PLEKHA7: variants seen among roughly 807,000 people sequenced by gnomAD.
PLEKHA7 encodes pleckstrin homology domain containing A7.
In PLEKHA7, 104 loss-of-function variants were observed where a neutral mutation model predicts 170.0. The ratio of observed to expected loss-of-function variants is 0.61; its 90% CI spans 0.52 to 0.72. PLEKHA7 has a LOEUF of 0.72. Ranked by LOEUF, PLEKHA7 falls within the 30% of genes least tolerant of loss-of-function variation. PLEKHA7 has a pLI of 0.00. For synonymous variants in PLEKHA7, 648 were observed against 660.8 expected, an observed-to-expected ratio of 0.98 and a Z score of 0.30; for missense variants, 1,615 against 1,671.7, an observed-to-expected ratio of 0.97 and a Z score of 0.59.
chr11:16,992,082 C>CA (rs978762526), intron 3 of PLEKHA7, among the ~76,000 whole-genome samples: 4 of 152,092 alleles, frequency 2.6e-5, no homozygotes, highest in Non-Finnish European at 4.4e-5. Flanking sequence ...GGGACCCCCC[C>CA]CAGCCTGGGC....
intron 3 of PLEKHA7, among the ~76,000 whole-genome samples, chr11:16,970,114 A>C (rs1862619663): frequency 6.6e-6 from 1 of 152,236 alleles, no homozygotes; most frequent in Non-Finnish European, 1.5e-5. Flanking sequence ...AGGACAGACC[A>C]GGACATTGGT....
chr11:16,937,869 A>G (rs1860418858), intron 3 of PLEKHA7, among the ~76,000 whole-genome samples: 1 of 152,076 alleles, frequency 6.6e-6, no homozygotes, highest in South Asian at 2.1e-4. Flanking sequence ...CGGCCTCCCA[A>G]AGTGTTGGGA....
intron 3 of PLEKHA7, among the ~76,000 whole-genome samples, chr11:16,920,201 T>A (rs1858987032): frequency 6.6e-6 from 1 of 152,232 alleles, no homozygotes; most frequent in Admixed American, 6.5e-5. Flanking sequence ...TGAGTACACA[T>A]CTGCCTCTCC....
At chr11:16,837,789 T>C (rs1471409663) in intron 9 of PLEKHA7, among the ~76,000 whole-genome samples, 1 of 152,112 alleles carries the variant, frequency 6.6e-6, no homozygotes, top group Non-Finnish European at 1.5e-5. Flanking sequence ...ACATTTTCAT[T>C]AAGAAGAATG....
intron 3 of PLEKHA7, among the ~76,000 whole-genome samples, chr11:16,967,678 C>G (rs931357798): frequency 1.3e-5 from 2 of 152,158 alleles, no homozygotes; most frequent in African/African-American, 4.8e-5. Flanking sequence ...CTCCAATCAG[C>G]TCCCCTTCTG....
At chr11:16,982,642 C>T (rs4237715) in intron 3 of PLEKHA7, among the ~76,000 whole-genome samples, 60,184 of 151,888 alleles carry the variant, frequency 0.4, 12,492 homozygotes, top group East Asian at 0.57. Flanking sequence ...CAAACCAGTT[C>T]TAAAACCCGT....
At chr11:16,911,630 A>G in intron 3 of PLEKHA7, among the ~76,000 whole-genome samples, 1 of 152,122 alleles carries the variant, frequency 6.6e-6, no homozygotes, top group East Asian at 1.9e-4. Flanking sequence ...GGAAACTGGC[A>G]GAAGTGAGGT....
chr11:16,896,489 A>G (rs577655383), intron 3 of PLEKHA7, among the ~76,000 whole-genome samples: 28 of 152,246 alleles, frequency 1.8e-4, no homozygotes, highest in Admixed American at 6.5e-4. Context: ...ATCAGTCAGC[A>G]AGACTAGTTA....
At position 16,852,354 on chromosome 11, in the gene PLEKHA7, T is replaced by A. The variant is rs1209072746; in HGVS notation, c.524A>T (p.Asp175Val). 6.2e-7 allele frequency: 1 copy of A among 1,613,660 alleles called. No homozygotes were observed. The highest frequency in any genetic ancestry group is 2.2e-5 in the East Asian group (1 of 44,846). ...VVVRGWLHKQ[D>V]SSGMRLWKRR... Reference sequence around the variant, plus strand: ...TTTCCACAGCCTCATCCCAGAACTGTCCTGCAAAGCAAAGAAAACTAGTCA... The same window carrying A: ...TTTCCACAGCCTCATCCCAGAACTGACCTGCAAAGCAAAGAAAACTAGTCA... Residue 175 changes from aspartate (D) to valine (V), a missense_variant and splice_region_variant, in exon 7 of 27, where the codon GAC (aspartate) becomes GTC (valine). Physicochemically the swap from Asp to Val is radical, Grantham distance 152. Coordinates refer to ENST00000531066, the MANE Select transcript of PLEKHA7 (RefSeq NM_001329630.2).
At chr11:16,891,703 T>C (rs1856626726) in intron 3 of PLEKHA7, among the ~76,000 whole-genome samples, 1 of 152,176 alleles carries the variant, frequency 6.6e-6, no homozygotes, top group South Asian at 2.1e-4. Context: ...AATTTTAAAC[T>C]GATCAGACTC....
At chr11:16,860,474 T>C (rs1159484128) in intron 4 of PLEKHA7, among the ~76,000 whole-genome samples, 1 of 152,050 alleles carries the variant, frequency 6.6e-6, no homozygotes, top group African/African-American at 2.4e-5. Flanking sequence ...ACCAAGACAA[T>C]GATCACCACC....
intron 10 of PLEKHA7, among the ~76,000 whole-genome samples, chr11:16,824,316 C>G (rs1282137447): frequency 6.6e-6 from 1 of 152,110 alleles, no homozygotes; most frequent in East Asian, 1.9e-4. Flanking sequence ...GGCTTAAGGC[C>G]AGGAGTTCGA....
intron 26 of PLEKHA7, among the ~76,000 whole-genome samples, chr11:16,782,314 G>A (rs944428161): frequency 1.3e-5 from 2 of 152,188 alleles, no homozygotes; most frequent in Non-Finnish European, 2.9e-5. Context: ...AAGGCAGGGG[G>A]CCAGGGAAGG....
At position 16,967,076 on chromosome 11, in the gene PLEKHA7, C is replaced by T. The variant is rs544717413; in HGVS notation, c.221+46913G>A. On this transcript the variant is annotated intron_variant, in intron 3 of 26. Coordinates refer to ENST00000531066, the MANE Select transcript of PLEKHA7 (RefSeq NM_001329630.2). ...GAAACTCTCCCAGTCAGCACAAAAT[C>T]ACTGATTCCAACAGAAATGCAGAAA... Among the ~76,000 whole-genome samples, 77 of 152,300 alleles carry T rather than the reference C, an allele frequency of 5.1e-4. 1 individual carries two copies. In the Middle Eastern group the frequency reaches 0.01, roughly 20 times the overall value.
chr11:16,907,696 C>T (rs1857928078), intron 3 of PLEKHA7, among the ~76,000 whole-genome samples: 1 of 137,104 alleles, frequency 7.3e-6, no homozygotes, highest in Non-Finnish European at 1.6e-5. Context: ...AGGGGCGCCT[C>T]TGCCCGGCCG....
chr11:16,801,690 G>A lies in PLEKHA7; in HGVS notation c.2285C>T (p.Ala762Val), dbSNP rs1848606079. The A allele has an allele frequency of 8.7e-6, 14 of 1,614,034 alleles. No individual in the cohort carries two copies. Among genetic ancestry groups the A allele is most frequent in the Non-Finnish European group, 1.2e-5 (14 of 1,180,026 alleles). ...CACAGTGGACTCTCTGGAGAGCTCAGCTCGGATATGGACAAGGTCCTCCTG... is the reference window on the plus strand; with the variant it reads ...CACAGTGGACTCTCTGGAGAGCTCAACTCGGATATGGACAAGGTCCTCCTG... The part of the protein sequence containing the change: ...LLQEDLVHIR[A>V]ELSRESTEME... Residue 762 changes from alanine to valine, a missense_variant, in exon 16 of 27, where the codon GCT becomes GTT. Physicochemically the swap from Ala to Val is moderately conservative, Grantham distance 64. Transcript: ENST00000531066.
intron 3 of PLEKHA7, among the ~76,000 whole-genome samples, chr11:16,997,860 G>A (rs1222543697): frequency 2.0e-5 from 3 of 152,200 alleles, no homozygotes; most frequent in South Asian, 4.1e-4. Context: ...TGACCTGTGC[G>A]AAGCTCGAGT....
intron 3 of PLEKHA7, among the ~76,000 whole-genome samples, chr11:16,967,110 A>AG (rs1862420966): frequency 6.6e-6 from 1 of 152,244 alleles, no homozygotes; most frequent in South Asian, 2.1e-4. Context: ...AAGCATTCTA[A>AG]GACACACATG....
chr11:16,826,233 A>G lies in PLEKHA7; in HGVS notation c.1230T>C (p.Gly410=), dbSNP rs745373801. Residue 410 remains glycine, a synonymous_variant, in exon 10 of 27, where the codon GGT becomes GGC. Transcript: ENST00000531066. The part of the protein sequence containing the change: ...SYGPGEQNGT[G]GYQRAFPPRT... ...TGGGAGGAAAGGCCCGCTGGTACCC[A>G]CCAGTCCCATTCTGTTCTCCTGGGC... is the stretch of plus-strand genomic sequence containing the variant. 2.5e-6 allele frequency: 4 copies of G among 1,614,124 alleles called. No individual in the cohort carries two copies. In the Admixed American group the frequency reaches 5.0e-5, roughly 20 times the overall value.
Sources: allele counts gnomAD v4.1 joint callset (sites outside exome capture counted in the v4.1 genomes callset), GRCh38; gene constraint gnomAD v4.1.1; transcripts MANE v1.5; gene names NCBI Gene and HGNC (gene_info 2026-07-23, HGNC 2026-07-21).